Variants in MYT1L observed in about 807,000 individuals in gnomAD.
MYT1L encodes the protein myelin transcription factor 1-like protein.
MYT1L carries 12 observed loss-of-function variants against 126.7 expected under a neutral mutation model. The ratio of observed to expected loss-of-function variants is 0.09; its 90% CI spans 0.06 to 0.15. MYT1L has a LOEUF of 0.15. MYT1L is among the 10% of genes least tolerant of loss of function. The pLI is 1.00. For missense variants in MYT1L, 979 were observed against 1,585.2 expected (o/e 0.62, Z 6.49); for synonymous variants, 541 against 604.2 (o/e 0.90, Z 1.53).
At chr2:2,178,590 T>C (rs2148607835) in intron 2 of MYT1L, among the ~76,000 whole-genome samples, 1 of 152,242 alleles carries the variant, frequency 6.6e-6, no homozygotes, top group Non-Finnish European at 1.5e-5. Context: ...CCTTTGGGGC[T>C]CTCTCTGTCC....
rs1559367309 is a variant in MYT1L at position 2,217,709 on chromosome 2, A to AAC, written c.-420-44722_-420-44721insGT. Among the ~76,000 whole-genome samples the AAC allele has an allele frequency of 8.6e-3, 1,036 of 119,818 alleles. 19 individuals are homozygous for AAC. Among genetic ancestry groups the AAC allele is most frequent in the Admixed American group, 0.025 (292 of 11,772 alleles). The allele number at this position is 119,818 out of a possible 152,430, so 78.6% of individuals were successfully genotyped here. A position where few individuals can be genotyped will look rare whatever the true frequency, so the allele number is the denominator to read the frequency against. ...ACAACAACAACAACAACAACAACAA[A>AAC]AAAAAAAAAAGAAAGAAGGAAAAAG... On this transcript the variant is annotated intron_variant, in intron 2 of 24. Coordinates refer to ENST00000647738, the MANE Select transcript of MYT1L (RefSeq NM_001303052.2).
intron 1 of MYT1L, among the ~76,000 whole-genome samples, chr2:2,328,285 G>T (rs1374880534): frequency 6.6e-6 from 1 of 152,122 alleles, no homozygotes; most frequent in Non-Finnish European, 1.5e-5. Context: ...GTATATTCAA[G>T]AGTAAGGTAC....
chr2:2,174,140 T>C (rs1485035222), intron 2 of MYT1L, among the ~76,000 whole-genome samples: 1 of 152,222 alleles, frequency 6.6e-6, no homozygotes, highest in African/African-American at 2.4e-5. Flanking sequence ...GTTCAAAATT[T>C]GAATGAGAGT....
intron 18 of MYT1L, among the ~76,000 whole-genome samples, chr2:1,881,250 G>C (rs1298571813): frequency 1.3e-5 from 2 of 152,020 alleles, no homozygotes; most frequent in East Asian, 3.9e-4. Context: ...CCTGACAGTG[G>C]ACTTGAGAAA....
chr2:2,077,938 G>T (rs72767365), intron 3 of MYT1L, among the ~76,000 whole-genome samples: 1 of 152,082 alleles, frequency 6.6e-6, no homozygotes, highest in African/African-American at 2.4e-5. Flanking sequence ...TAATGCTTTC[G>T]TTCTTCTATA....
intron 2 of MYT1L, among the ~76,000 whole-genome samples, chr2:2,242,973 A>G (rs542970884): frequency 8.5e-5 from 13 of 152,280 alleles, no homozygotes; most frequent in African/African-American, 2.9e-4. Flanking sequence ...CAGAAACAAG[A>G]GAGACCAGCT....
chr2:2,203,508 C>A (rs1476135302), intron 2 of MYT1L, among the ~76,000 whole-genome samples: 1 of 151,692 alleles, frequency 6.6e-6, no homozygotes, highest in Admixed American at 6.6e-5. Flanking sequence ...CTCCCATTCA[C>A]AGTTGCTTCA....
chr2:2,321,203 G>A lies in MYT1L; in HGVS notation c.-521+9764C>T, dbSNP rs143333752. ...ATTAAATTTATCCTGGAGGAAACTG[G>A]ATTCTGAAAAGCTCTTGCCCAGATG... On this transcript the variant is annotated intron_variant, in intron 1 of 24. Coordinates refer to ENST00000647738, the MANE Select transcript of MYT1L (RefSeq NM_001303052.2). Among the ~76,000 whole-genome samples the A allele has an allele frequency of 9.4e-4, 143 of 152,286 alleles. 1 individual carries two copies. The highest frequency in any genetic ancestry group is 3.3e-3 in the African/African-American group (138 of 41,558).
chr2:1,826,467 G>A (rs1004409900), intron 21 of MYT1L, among the ~76,000 whole-genome samples: 1 of 152,180 alleles, frequency 6.6e-6, no homozygotes, highest in East Asian at 1.9e-4. Context: ...CCAGAACACT[G>A]GGTTGTTTCA....
At chr2:1,926,861 A>G (rs189750254) in intron 9 of MYT1L, among the ~76,000 whole-genome samples, 1 of 152,382 alleles carries the variant, frequency 6.6e-6, no homozygotes, top group Admixed American at 6.5e-5. Flanking sequence ...GTTTCTATAT[A>G]GTGACTATTG....
intron 8 of MYT1L, among the ~76,000 whole-genome samples, chr2:1,956,558 TA>T: frequency 6.9e-6 from 1 of 144,984 alleles, no homozygotes; most frequent in African/African-American, 2.6e-5. Flanking sequence ...TCATCTATCC[TA>T]TTCTATATTT....
intron 14 of MYT1L, among the ~76,000 whole-genome samples, chr2:1,893,848 C>T (rs1053802786): frequency 2.6e-5 from 4 of 152,168 alleles, no homozygotes; most frequent in Admixed American, 2.6e-4. Context: ...TGGTTTGGGA[C>T]TGAAGGCTCT....
rs1044400942 is a variant in MYT1L at position 1,887,967 on chromosome 2, C to T, written c.2521-358G>A. Among the ~76,000 whole-genome samples, 7 of 152,216 alleles carry T rather than the reference C, an allele frequency of 4.6e-5. No individual in the cohort carries two copies. The highest frequency in any genetic ancestry group is 1.9e-4 in the East Asian group (1 of 5,198). On this transcript the variant is annotated intron_variant, in intron 16 of 24. Coordinates refer to ENST00000647738, the MANE Select transcript of MYT1L (RefSeq NM_001303052.2). This position sits in a 1 kb window ranked among gnomAD's most constrained non-coding sequence, Gnocchi z 4.8. ...CTGTGGGTGGCTGCTTTATCCAACACTTGCCTGCAAAGATTCAACACTGGA... is the reference window on the plus strand; with the variant it reads ...CTGTGGGTGGCTGCTTTATCCAACATTTGCCTGCAAAGATTCAACACTGGA...
At chr2:1,876,621 A>G (rs1295703127) in intron 18 of MYT1L, among the ~76,000 whole-genome samples, 1 of 151,722 alleles carries the variant, frequency 6.6e-6, no homozygotes, top group Non-Finnish European at 1.5e-5. Context: ...CCCGCAGCTG[A>G]CCCTATGCGT....
At chr2:2,216,789 A>AAG (rs112941406) in intron 2 of MYT1L, among the ~76,000 whole-genome samples, 2,347 of 150,658 alleles carry the variant, frequency 0.016, 60 homozygotes, top group African/African-American at 0.052. Context: ...AGGAGAGAGA[A>AAG]AGAGAGAGAG....
intron 2 of MYT1L, among the ~76,000 whole-genome samples, chr2:2,215,764 G>A (rs1422021617): frequency 1.3e-5 from 2 of 152,124 alleles, no homozygotes. Context: ...TTTACCAAGT[G>A]ATATAGTTTG....
At position 1,966,692 on chromosome 2, in the gene MYT1L, CA is replaced by C. The variant is rs1301323394; in HGVS notation, c.152+12472del. ...AGAATTGCATAAATAACATTACAGCCACAGGATGAAAGCCAGCCATGAAAAT... is the reference window on the plus strand; with the variant it reads ...AGAATTGCATAAATAACATTACAGCCCAGGATGAAAGCCAGCCATGAAAAT... On this transcript the variant is annotated intron_variant, in intron 8 of 24. Transcript: ENST00000647738. Among the ~76,000 whole-genome samples the C allele has an allele frequency of 2.0e-5, 3 of 151,496 alleles. No individual in the cohort carries two copies. In the East Asian group the frequency reaches 5.8e-4, roughly 29 times the overall value.
intron 22 of MYT1L, among the ~76,000 whole-genome samples, chr2:1,804,528 G>C (rs929167090): frequency 6.6e-6 from 1 of 152,230 alleles, no homozygotes; most frequent in African/African-American, 2.4e-5. Flanking sequence ...CCAAAAAGCA[G>C]CATCTCAGAG....
chr2:1,921,870 T>C (rs2053607989), intron 10 of MYT1L, among the ~76,000 whole-genome samples: 1 of 152,202 alleles, frequency 6.6e-6, no homozygotes. Flanking sequence ...ATTTCCCCAA[T>C]CCAATTTATA....
Sources: gnomAD v4.1 joint callset for allele counts (sites outside exome capture counted in the v4.1 genomes callset) on GRCh38, gnomAD v4.1.1 for gene constraint, Gnocchi (gnomAD v3.1) non-coding constraint, MANE v1.5 for transcripts, NCBI Gene and HGNC (gene_info 2026-07-23, HGNC 2026-07-21) for gene names.